Variants in ZW10 observed in about 807,000 individuals in gnomAD.
ZW10 encodes zw10 kinetochore protein.
A neutral mutation model predicts 87.8 loss-of-function variants in ZW10; 53 were observed. That is an observed-to-expected ratio of 0.60 (90% CI 0.48 to 0.76). The LOEUF is 0.76. Ranked by LOEUF, ZW10 falls within the 30% of genes least tolerant of loss-of-function variation. The pLI is 0.00. For synonymous variants in ZW10, 312 were observed against 329.2 expected (o/e 0.95, Z 0.57); for missense variants, 837 against 923.0 (o/e 0.91, Z 1.21).
chr11:113,751,170 G>T, intron 7 of ZW10: 1 of 236,500 alleles, frequency 4.2e-6, no homozygotes, highest in Non-Finnish European at 9.0e-6. Flanking sequence ...GACACTGGAG[G>T]CACACATTGA....
At chr11:113,753,243 C>G (rs1953751850) in intron 7 of ZW10, among the ~76,000 whole-genome samples, 1 of 152,064 alleles carries the variant, frequency 6.6e-6, no homozygotes, top group African/African-American at 2.4e-5. Flanking sequence ...GTGTTCATCA[C>G]TTAGCTCCCA....
At chr11:113,758,474 T>C (rs536742988) in intron 6 of ZW10, 80 bp downstream of exon 6, 1 of 1,408,726 alleles carries the variant, frequency 7.1e-7, no homozygotes, top group Non-Finnish European at 9.8e-7. Context: ...GCAGAGAATA[T>C]TTTATCATCT....
rs535493921 is a variant in ZW10 at position 113,771,086 on chromosome 11, C to A, written c.106-2119G>T. ...CACTTCCCGGGTTCAAGCGATTCTTCTGCCTCAGCCTCCAGAGTAGCTGGG... is the reference window on the plus strand; with the variant it reads ...CACTTCCCGGGTTCAAGCGATTCTTATGCCTCAGCCTCCAGAGTAGCTGGG... On this transcript the variant is annotated intron_variant, in intron 1 of 15. Transcript: ENST00000200135. 2.5e-4 allele frequency among the ~76,000 whole-genome samples: 37 copies of A among 150,122 alleles called. No homozygotes were observed. The South Asian group carries it at 7.4e-3, about 30-fold the overall frequency.
chr11:113,743,025 CT>C (rs548736972), intron 10 of ZW10, among the ~76,000 whole-genome samples: 200 of 152,304 alleles, frequency 1.3e-3, no homozygotes, highest in Middle Eastern at 3.4e-3. Context: ...TATAAACCTG[CT>C]CTGCAATCAG....
intron 10 of ZW10, among the ~76,000 whole-genome samples, chr11:113,742,708 C>T (rs775784114): frequency 2.0e-5 from 3 of 152,156 alleles, no homozygotes; most frequent in Non-Finnish European, 4.4e-5. Flanking sequence ...CAGGAGAGTG[C>T]CATGTGAAGA....
Position 113,773,676 on chromosome 11 carries a change from G to C in ZW10, c.-10C>G, listed in dbSNP as rs374350085. ...TCACGAACGAGGCCATGGCCAAGAC[G>C]GGAACCAACGCTGACTGGGTCACTC... On this transcript the variant is annotated 5_prime_UTR_variant, in exon 1 of 16. Coordinates refer to ENST00000200135, the MANE Select transcript of ZW10 (RefSeq NM_004724.4). 3.2e-5 allele frequency: 51 copies of C among 1,611,988 alleles called. No individual in the cohort carries two copies. In the Admixed American group the frequency reaches 3.2e-4, roughly 10 times the overall value.
intron 10 of ZW10, among the ~76,000 whole-genome samples, chr11:113,743,568 C>A (rs1328168284): frequency 2.6e-5 from 4 of 152,174 alleles, no homozygotes; most frequent in African/African-American, 9.7e-5. Flanking sequence ...TACAAGTGCA[C>A]CTACTTCCTA....
Position 113,747,666 on chromosome 11 carries a change from T to A in ZW10, c.1137A>T (p.Arg379Ser). 6.2e-7 allele frequency: 1 copy of A among 1,613,028 alleles called. No individual in the cohort carries two copies. The highest frequency in any genetic ancestry group is 8.5e-7 in the Non-Finnish European group (1 of 1,179,348). The change falls in exon 9 of 16, where the codon AGA (arginine) becomes AGT (serine). Residue 379 changes from arginine (R) to serine (S), a missense_variant. Transcript: ENST00000200135. ...EEFENALKEMRFLKGDTTDLL... is the reference protein window; with the variant it reads ...EEFENALKEMSFLKGDTTDLL... ...AATCTGTAGTATCTCCTTTTAAAAATCTCATTTCCTTTAGGGCATTTTCAA... is the reference window on the plus strand; with the variant it reads ...AATCTGTAGTATCTCCTTTTAAAAAACTCATTTCCTTTAGGGCATTTTCAA...
At chr11:113,769,033 A>G in intron 1 of ZW10, 66 bp from the exon 2 acceptor site, 2 of 1,527,102 alleles carry the variant, frequency 1.3e-6, no homozygotes. Context: ...ATAAGAATAT[A>G]TTCATCTTCC....
intron 2 of ZW10, 78 bp from the exon 3 acceptor site, chr11:113,760,996 G>A (rs1953855004): frequency 1.9e-6 from 2 of 1,036,544 alleles, no homozygotes; most frequent in Non-Finnish European, 2.9e-6. Context: ...AAATCAATAA[G>A]CTTTACTAGG....
intron 7 of ZW10, among the ~76,000 whole-genome samples, chr11:113,752,673 G>GT (rs1344930684): frequency 8.5e-5 from 13 of 152,156 alleles, no homozygotes; most frequent in Non-Finnish European, 1.9e-4. Flanking sequence ...AATGTTGTGT[G>GT]TGTTCTGACT....
intron 15 of ZW10, among the ~76,000 whole-genome samples, chr11:113,735,686 G>A (rs753225541): frequency 6.6e-5 from 10 of 152,122 alleles, no homozygotes; most frequent in Non-Finnish European, 1.3e-4. Context: ...CCATGAATGT[G>A]TAACTGACCC....
At chr11:113,735,138 C>T (rs1237654017) in intron 15 of ZW10, among the ~76,000 whole-genome samples, 3 of 151,942 alleles carry the variant, frequency 2.0e-5, no homozygotes, top group African/African-American at 7.3e-5. Flanking sequence ...CTACTGTATT[C>T]CTTCATATGT....
Position 113,757,696 on chromosome 11 carries a change from T to C in ZW10, c.891A>G (p.Arg297=). 4 of 1,611,626 alleles carry C rather than the reference T, an allele frequency of 2.5e-6. No homozygotes were observed. Among genetic ancestry groups the C allele is most frequent in the Non-Finnish European group, 3.4e-6 (4 of 1,178,390 alleles). Residue 297 remains arginine, a synonymous_variant, in exon 7 of 16, where the codon AGA becomes AGG. Coordinates refer to ENST00000200135, the MANE Select transcript of ZW10 (RefSeq NM_004724.4). ...GTTTCTGGAGCACTTCTAGTACCAG[T>C]CTGATCTTTGTAAAAACTTCAGATG... ...PSPSEVFTKI[R]LVLEVLQKQL...
chr11:113,742,381 C>T (rs1257737717), intron 10 of ZW10, among the ~76,000 whole-genome samples: 2 of 152,132 alleles, frequency 1.3e-5, no homozygotes, highest in African/African-American at 4.8e-5. Flanking sequence ...TCTTAAGCTA[C>T]GTACCTTAAA....
intron 15 of ZW10, among the ~76,000 whole-genome samples, chr11:113,734,495 C>T (rs1323917407): frequency 1.3e-5 from 2 of 152,068 alleles, no homozygotes; most frequent in African/African-American, 4.8e-5. Context: ...TGAACTGCAG[C>T]TACACATACC....
intron 14 of ZW10, among the ~76,000 whole-genome samples, chr11:113,737,228 A>T (rs1216159011): frequency 6.6e-6 from 1 of 152,210 alleles, no homozygotes; most frequent in Non-Finnish European, 1.5e-5. Flanking sequence ...GGAAAAATGG[A>T]ACCTGCACAA....
intron 6 of ZW10, among the ~76,000 whole-genome samples, chr11:113,758,142 C>T (rs543677176): frequency 1.3e-3 from 203 of 151,886 alleles, no homozygotes; most frequent in Non-Finnish European, 2.1e-3. Flanking sequence ...CATTGCACTC[C>T]AGCCTGGGCG....
intron 2 of ZW10, among the ~76,000 whole-genome samples, chr11:113,761,760 C>T (rs902555259): frequency 5.3e-5 from 8 of 152,254 alleles, no homozygotes; most frequent in African/African-American, 1.7e-4. Flanking sequence ...CTTATCCCAT[C>T]AAATTTAAGT....
Sources: gnomAD v4.1 joint callset for allele counts (sites outside exome capture counted in the v4.1 genomes callset) on GRCh38, gnomAD v4.1.1 for gene constraint, MANE v1.5 for transcripts, NCBI Gene and HGNC (gene_info 2026-07-23, HGNC 2026-07-21) for gene names.